PCDHA6: variants seen among roughly 807,000 people sequenced by gnomAD.
PCDHA6 encodes the protein protocadherin alpha 6.
Under a neutral mutation model 60.3 loss-of-function variants are expected in PCDHA6, and 55 were observed. The ratio of observed to expected loss-of-function variants is 0.91; its 90% CI spans 0.73 to 1.14. PCDHA6 has a LOEUF of 1.14. Ranked by LOEUF, PCDHA6 falls within the 50% of genes most tolerant of loss-of-function variation. The pLI is 0.00. For missense variants in PCDHA6, 1,327 were observed against 1,256.5 expected, an observed-to-expected ratio of 1.06 and a Z score of -0.85; for synonymous variants, 652 against 557.9, an observed-to-expected ratio of 1.17 and a Z score of -2.38.
chr5:140,869,091 A>C, intron 1 of PCDHA6: 1 of 1,591,040 alleles, frequency 6.3e-7, no homozygotes, highest in Non-Finnish European at 8.6e-7. Context: ...TTTGGAAGCC[A>C]ATTTCGTATG....
At chr5:140,849,860 C>A in intron 1 of PCDHA6, 1 of 1,598,548 alleles carries the variant, frequency 6.3e-7, no homozygotes, top group South Asian at 1.1e-5. Flanking sequence ...CACCAGCGTT[C>A]GCGCAGTCCG....
At chr5:140,929,330 G>A (rs2086062257) in intron 1 of PCDHA6, 1 of 1,535,218 alleles carries the variant, frequency 6.5e-7, no homozygotes, top group Non-Finnish European at 8.8e-7. Flanking sequence ...GCCATGGTAA[G>A]CAAATTTTAT....
chr5:140,853,239 A>G (rs2150529987), intron 1 of PCDHA6: 14 of 978,474 alleles, frequency 1.4e-5, no homozygotes, highest in Middle Eastern at 5.3e-4. Flanking sequence ...AGTCCTTCAT[A>G]TTAATCTCTA....
chr5:140,974,680 T>C (rs2096636478), intron 1 of PCDHA6, among the ~76,000 whole-genome samples: 1 of 152,074 alleles, frequency 6.6e-6, no homozygotes, highest in African/African-American at 2.4e-5. Flanking sequence ...CCTGGCTAAT[T>C]TTGTATTTTT....
chr5:140,937,442 A>AAAATATCATTTTAAAATATCATTAT (rs2091531773), intron 1 of PCDHA6, among the ~76,000 whole-genome samples: 1 of 152,160 alleles, frequency 6.6e-6, no homozygotes, highest in Non-Finnish European at 1.5e-5. Context: ...ATGCTATTTT[A>AAAATATCATTTTAAAATATCATTAT]AAAGTTTAAT....
intron 3 of PCDHA6, among the ~76,000 whole-genome samples, chr5:141,005,814 A>T (rs947359019): frequency 6.7e-6 from 1 of 149,766 alleles, no homozygotes; most frequent in Non-Finnish European, 1.5e-5. Flanking sequence ...GGAGCCAGGT[A>T]TGGTGGCCTG....
chr5:140,969,400 T>C (rs782765994), intron 1 of PCDHA6: 2 of 1,580,682 alleles, frequency 1.3e-6, no homozygotes, highest in South Asian at 2.3e-5. Flanking sequence ...TATCCTGTGA[T>C]TTGGCTTTAT....
chr5:140,926,229 G>A (rs1251523401), intron 1 of PCDHA6: 1 of 152,186 alleles, frequency 6.6e-6, no homozygotes, highest in Non-Finnish European at 1.5e-5. Context: ...AGCCTAGAAG[G>A]TGTGGTCGCT....
intron 1 of PCDHA6, among the ~76,000 whole-genome samples, chr5:140,921,683 C>T (rs1554200360): frequency 6.6e-6 from 1 of 152,154 alleles, no homozygotes; most frequent in East Asian, 1.9e-4. Flanking sequence ...TCATCAAACA[C>T]TGGCCACCTC....
rs1281739668 is a variant in PCDHA6, at chr5:140,966,815, C to T, written c.2395-12134C>T. On this transcript the variant is annotated intron_variant, in intron 1 of 3. Transcript: ENST00000529310. The stretch of plus-strand genomic sequence containing the variant: ...TGCGGCGACAGAGCATCCACGGCTC[C>T]GGCGGCCCATGCCCTGGCTGCTGCT... 1.9e-6 allele frequency: 3 copies of T among 1,552,884 alleles called. No individual in the cohort carries two copies. The highest frequency in any genetic ancestry group is 1.7e-6 in the Non-Finnish European group (2 of 1,153,182).
At chr5:140,897,451 TC>T (rs2066120094) in intron 1 of PCDHA6, among the ~76,000 whole-genome samples, 1 of 151,584 alleles carries the variant, frequency 6.6e-6, no homozygotes, top group Non-Finnish European at 1.5e-5. Context: ...TGGTTTTTTG[TC>T]CTTGCGATAG....
intron 1 of PCDHA6, among the ~76,000 whole-genome samples, chr5:140,901,330 C>T (rs576918477): frequency 6.6e-6 from 1 of 152,108 alleles, no homozygotes; most frequent in African/African-American, 2.4e-5. Flanking sequence ...TTCTTGTAGT[C>T]GTTTTATAGT....
Position 140,850,778 on chromosome 5 carries a change from C to T in PCDHA6, c.2394+20293C>T, listed in dbSNP as rs2150497829. On this transcript the variant is annotated intron_variant, in intron 1 of 3. Coordinates refer to ENST00000529310, the MANE Select transcript of PCDHA6 (RefSeq NM_018909.4). ...AGAGGAGGCAGAGGGTGTGCTCTGGCGAGGGTAAGCAGAAGACCGACCTCA... is the reference window on the plus strand; with the variant it reads ...AGAGGAGGCAGAGGGTGTGCTCTGGTGAGGGTAAGCAGAAGACCGACCTCA... 6 of 1,597,938 alleles carry T rather than the reference C, an allele frequency of 3.8e-6. No individual in the cohort carries two copies. The East Asian group carries it at 1.1e-4, about 30-fold the overall frequency.
intron 1 of PCDHA6, among the ~76,000 whole-genome samples, chr5:140,941,202 C>CTTTCTTTCTTTCTTTCTTTCTTTCTTT (rs1554213921): frequency 8.1e-6 from 1 of 122,708 alleles, no homozygotes; most frequent in Admixed American, 8.6e-5. Context: ...TTTCTTTCTT[C>CTTTCTTTCTTTCTTTCTTTCTTTCTTT]CTTTCTTTCT....
In PCDHA6 at chr5:140,830,374, G is replaced by T; in HGVS notation, c.2283G>T (p.Gly761=). The T allele has an allele frequency of 1.2e-6, 2 of 1,614,156 alleles. No individual in the cohort carries two copies. Among genetic ancestry groups the T allele is most frequent in the Non-Finnish European group, 8.5e-7 (1 of 1,180,020 alleles). The stretch of plus-strand genomic sequence containing the variant: ...AGAGGCGGCAGAGGGTGTGCTCCGG[G>T]GAGGGCCCACCCAAGATGGATCTCA... The part of the protein sequence containing the change: ...SQQRRQRVCS[G]EGPPKMDLMA... The change falls in exon 1 of 4, where the codon GGG becomes GGT. Residue 761 remains glycine, a synonymous_variant. Coordinates refer to ENST00000529310, the MANE Select transcript of PCDHA6 (RefSeq NM_018909.4).
At chr5:140,869,740 A>G in intron 1 of PCDHA6, 1 of 1,613,346 alleles carries the variant, frequency 6.2e-7, no homozygotes, top group Non-Finnish European at 8.5e-7. Flanking sequence ...TTTGCTGCTA[A>G]CAGCTACAGA....
Position 140,829,606 on chromosome 5 carries a change from G to A in PCDHA6, c.1515G>A (p.Ser505=), listed in dbSNP as rs2150171112. ...VERRVGERAL[S]SYISVHAESG... ...GGCGGGTGGGCGAGCGCGCGTTGTCGAGCTACATTTCGGTGCACGCGGAGA... is the reference window on the plus strand; with the variant it reads ...GGCGGGTGGGCGAGCGCGCGTTGTCAAGCTACATTTCGGTGCACGCGGAGA... The change falls in exon 1 of 4, where the codon TCG becomes TCA. Residue 505 remains serine (S), a synonymous_variant. Coordinates refer to ENST00000529310, the MANE Select transcript of PCDHA6 (RefSeq NM_018909.4). 6.2e-7 allele frequency: 1 copy of A among 1,612,068 alleles called. No homozygotes were observed.
chr5:140,929,540 G>A, intron 1 of PCDHA6: 1 of 549,498 alleles, frequency 1.8e-6, no homozygotes, highest in Admixed American at 4.2e-5. Context: ...GAGAAACAAG[G>A]GCAAAAATTA....
In PCDHA6 at chr5:140,851,227, T is replaced by C; in HGVS notation, c.2394+20742T>C. On this transcript the variant is annotated intron_variant, in intron 1 of 3. Coordinates refer to ENST00000529310, the MANE Select transcript of PCDHA6 (RefSeq NM_018909.4). ...TCATTAAACATTAACATCACTATCA[T>C]TTATTTATTGCTAAATGATGCATAG... The C allele has an allele frequency of 4.4e-6, 5 of 1,142,852 alleles. 1 individual carries two copies. In the South Asian group the frequency reaches 1.4e-4, roughly 31 times the overall value. The allele number at this position is 1,142,852 out of a possible 1,614,324, so 70.8% of individuals were successfully genotyped here. A position where few individuals can be genotyped will look rare whatever the true frequency, so the allele number is the denominator to read the frequency against.
Sources: gnomAD v4.1 joint callset for allele counts (sites outside exome capture counted in the v4.1 genomes callset) on GRCh38, gnomAD v4.1.1 for gene constraint, MANE v1.5 for transcripts, NCBI Gene and HGNC (gene_info 2026-07-23, HGNC 2026-07-21) for gene names.